Variants in GRIA3 observed in about 807,000 individuals in gnomAD.
The protein encoded by GRIA3 is glutamate receptor 3.
Under a neutral mutation model 63.0 loss-of-function variants are expected in GRIA3, and 3 were observed. That is an observed-to-expected ratio of 0.05 (90% CI 0.02 to 0.12). The LOEUF (loss-of-function observed/expected upper bound fraction) is 0.12. GRIA3 is among the 10% of genes least tolerant of loss of function. The pLI is 1.00. For synonymous variants in GRIA3, 274 were observed against 257.9 expected (o/e 1.06, Z -0.60); for missense variants, 347 against 700.9 (o/e 0.50, Z 5.70).
chrX:123,285,188 G>C (rs1226677103), intron 3 of GRIA3, among the ~76,000 whole-genome samples: 1 of 111,087 alleles, frequency 9.0e-6, no homozygotes, highest in Non-Finnish European at 1.9e-5. Flanking sequence ...ATCCTTTACA[G>C]ACAAGCAAAT....
intron 5 of GRIA3, among the ~76,000 whole-genome samples, chrX:123,387,419 G>A (rs1167606803): frequency 9.0e-6 from 1 of 111,184 alleles, no homozygotes; most frequent in Non-Finnish European, 1.9e-5. Flanking sequence ...TTCCAGTATG[G>A]ACCTTTCTTT....
At chrX:123,357,198 C>T (rs764676882) in intron 5 of GRIA3, among the ~76,000 whole-genome samples, 10 of 110,645 alleles carry the variant, frequency 9.0e-5, no homozygotes, top group Admixed American at 8.7e-4. Context: ...CTGGCAGCAG[C>T]CCAGAAAGCA....
intron 3 of GRIA3, among the ~76,000 whole-genome samples, chrX:123,307,764 C>T (rs775964442): frequency 9.0e-6 from 1 of 111,022 alleles, no homozygotes; most frequent in South Asian, 4.1e-4. Context: ...AGCCACTGTG[C>T]GCTGTAGTCT....
Position 123,427,950 on chromosome X carries a change from C to T in GRIA3, c.1887C>T (p.Ser629=), listed in dbSNP as rs781262510. Residue 629 remains serine (S), a synonymous_variant, in exon 12 of 16, where the codon TCC becomes TCT. Coordinates refer to ENST00000620443, the MANE Select transcript of GRIA3 (RefSeq NM_007325.5). ...QGCDISPRSL[S]GRIVGGVWWF... is the part of the protein sequence containing the mutation. Reference sequence around the variant, plus strand: ...TTGTTTTGTTTTATAGATCACTCTCCGGGCGCATTGTTGGAGGGGTTTGGT... The same window carrying T: ...TTGTTTTGTTTTATAGATCACTCTCTGGGCGCATTGTTGGAGGGGTTTGGT... The T allele has an allele frequency of 5.1e-5, 61 of 1,194,942 alleles. No individual in the cohort carries two copies. The highest frequency in any genetic ancestry group is 1.5e-4 in the East Asian group (5 of 33,677).
At chrX:123,206,675 G>C (rs748371829) in intron 2 of GRIA3, among the ~76,000 whole-genome samples, 4 of 110,301 alleles carry the variant, frequency 3.6e-5, no homozygotes, top group Non-Finnish European at 5.7e-5. Context: ...AGTCTCTCTT[G>C]GTACCCCCAA....
chrX:123,318,467 C>T (rs1328722262), intron 3 of GRIA3, among the ~76,000 whole-genome samples: 6 of 111,970 alleles, frequency 5.4e-5, no homozygotes, highest in African/African-American at 2.0e-4. Context: ...TGCTTTGCTG[C>T]TTAGAAATTT....
intron 11 of GRIA3, among the ~76,000 whole-genome samples, chrX:123,419,770 G>T (rs1603145198): frequency 9.0e-6 from 1 of 111,059 alleles, no homozygotes; most frequent in South Asian, 3.9e-4. Flanking sequence ...TTTGCATGTG[G>T]GGAAGTTGCC....
chrX:123,210,001 G>GT (rs1927998492), intron 2 of GRIA3, among the ~76,000 whole-genome samples: 1 of 109,563 alleles, frequency 9.1e-6, no homozygotes, highest in African/African-American at 3.3e-5. Flanking sequence ...TTGTTTGTTT[G>GT]TTGGTTGGTT....
chrX:123,236,092 G>A (rs911451904), intron 2 of GRIA3, among the ~76,000 whole-genome samples: 4 of 111,548 alleles, frequency 3.6e-5, no homozygotes, highest in Non-Finnish European at 3.8e-5. Context: ...AGAAATACAC[G>A]TTTTATTTCC....
At chrX:123,212,224 A>G (rs1928058971) in intron 2 of GRIA3, among the ~76,000 whole-genome samples, 1 of 111,672 alleles carries the variant, frequency 9.0e-6, no homozygotes, top group Non-Finnish European at 1.9e-5. Context: ...CTGGGAAAAG[A>G]AACAACCTAG....
chrX:123,393,230 T>C (rs750693090), intron 5 of GRIA3, among the ~76,000 whole-genome samples: 1 of 112,547 alleles, frequency 8.9e-6, no homozygotes, highest in African/African-American at 3.2e-5. Flanking sequence ...GCTGTTTCAC[T>C]AAAATGTTTT....
intron 5 of GRIA3, among the ~76,000 whole-genome samples, chrX:123,382,835 T>A (rs1015393745): frequency 8.9e-6 from 1 of 112,388 alleles, no homozygotes; most frequent in Non-Finnish European, 1.9e-5. Flanking sequence ...ATTGCCATTT[T>A]AACATGCTAT....
intron 3 of GRIA3, among the ~76,000 whole-genome samples, chrX:123,288,468 G>A (rs1054682540): frequency 4.5e-5 from 5 of 111,286 alleles, no homozygotes; most frequent in African/African-American, 1.6e-4. Flanking sequence ...CTATCATCGA[G>A]TGAACAAGCA....
intron 5 of GRIA3, among the ~76,000 whole-genome samples, chrX:123,371,300 T>C (rs746807849): frequency 9.1e-6 from 1 of 110,203 alleles, no homozygotes; most frequent in South Asian, 4.0e-4. Context: ...GACCCTTAGG[T>C]TGCTTCCAAA....
Position 123,184,665 on chromosome X carries a change from C to G in GRIA3, c.109+21C>G, listed in dbSNP as rs370343892. 4.6e-6 allele frequency: 5 copies of G among 1,085,179 alleles called. No individual in the cohort carries two copies. The East Asian group carries it at 9.0e-5, about 20-fold the overall frequency. The allele number at this position is 1,085,179 out of a possible 1,213,427, so 89.4% of individuals were successfully genotyped here. A position where few individuals can be genotyped will look rare whatever the true frequency, so the allele number is the denominator to read the frequency against. ...CATAGGTAAGCGCAAGCGAGCCAGCCGTCGGTCCAGGCTCTCCCTCACCCG... is the reference window on the plus strand; with the variant it reads ...CATAGGTAAGCGCAAGCGAGCCAGCGGTCGGTCCAGGCTCTCCCTCACCCG... On this transcript the variant is annotated intron_variant, in intron 1 of 15. Transcript: ENST00000620443.
chrX:123,440,122 G>A (rs2045665768), intron 12 of GRIA3, among the ~76,000 whole-genome samples: 1 of 112,240 alleles, frequency 8.9e-6, no homozygotes, highest in African/African-American at 3.2e-5. Context: ...CAAAAGACAT[G>A]ATCTCGTTCT....
intron 7 of GRIA3, among the ~76,000 whole-genome samples, chrX:123,399,495 T>C (rs1297754345): frequency 2.7e-5 from 3 of 112,366 alleles, no homozygotes; most frequent in Non-Finnish European, 5.6e-5. Context: ...CTTCAAGCAA[T>C]GTCCTTTGAA....
chrX:123,428,475 C>A (rs1016789359), intron 12 of GRIA3, among the ~76,000 whole-genome samples: 4 of 111,686 alleles, frequency 3.6e-5, no homozygotes. Context: ...GGGGATTGAA[C>A]TAAATAATAT....
At chrX:123,359,886 C>A (rs1289727608) in intron 5 of GRIA3, among the ~76,000 whole-genome samples, 2 of 111,984 alleles carry the variant, frequency 1.8e-5, no homozygotes, top group Non-Finnish European at 3.8e-5. Flanking sequence ...GAGTTGGAGA[C>A]AATTGCTGAC....
Sources: gnomAD v4.1 joint callset for allele counts (sites outside exome capture counted in the v4.1 genomes callset) on GRCh38, gnomAD v4.1.1 for gene constraint, MANE v1.5 for transcripts, NCBI Gene and HGNC (gene_info 2026-07-23, HGNC 2026-07-21) for gene names.